TBX18: variants seen among roughly 807,000 people sequenced by gnomAD.
TBX18 encodes the protein T-box transcription factor 18.
In TBX18, 21 loss-of-function variants were observed where a neutral mutation model predicts 55.0. The observed-to-expected ratio is 0.38, with a 90% confidence interval of 0.27 to 0.55. TBX18 has a LOEUF of 0.55. TBX18 is among the 20% of genes least tolerant of loss of function. The pLI is 0.73. For missense variants in TBX18, 840 were observed against 799.6 expected (o/e 1.05, Z -0.61); for synonymous variants, 342 against 326.1 (o/e 1.05, Z -0.53).
chr6:84,754,685 C>T (rs1582080600), intron 4 of TBX18, among the ~76,000 whole-genome samples: 2 of 152,262 alleles, frequency 1.3e-5, no homozygotes, highest in South Asian at 2.1e-4. Flanking sequence ...TGCCACAGTA[C>T]CCAGATACTT....
chr6:84,739,972 A>C (rs1232808429), intron 6 of TBX18, among the ~76,000 whole-genome samples: 3 of 152,208 alleles, frequency 2.0e-5, no homozygotes, highest in Non-Finnish European at 4.4e-5. Context: ...AGAATGATGT[A>C]GCTATGCATG....
At position 84,736,934 on chromosome 6, in the gene TBX18, G is replaced by A. The variant is rs772432248; in HGVS notation, c.1575C>T (p.Ser525=). 3 of 1,610,514 alleles carry A rather than the reference G, an allele frequency of 1.9e-6. No homozygotes were observed. The South Asian group carries it at 3.3e-5, about 18-fold the overall frequency. Residue 525 remains serine (S), a synonymous_variant, in exon 8 of 8, where the codon AGC becomes AGT. Coordinates refer to ENST00000369663, the MANE Select transcript of TBX18 (RefSeq NM_001080508.3). ...AGTTATATCCATATAGTGCACAGGG[G>A]CTGTGTAATCTAAAAGTATTATAGG... is the stretch of plus-strand genomic sequence containing the variant. ...QGSYNTFRLH[S]PCALYGYNFS...
At chr6:84,743,178 G>C (rs1346857693) in intron 6 of TBX18, among the ~76,000 whole-genome samples, 2 of 152,168 alleles carry the variant, frequency 1.3e-5, no homozygotes, top group African/African-American at 4.8e-5. Context: ...TAAGTTGAAG[G>C]CTACTCTACT....
intron 6 of TBX18, 108 bp downstream of exon 6, chr6:84,744,153 A>G: frequency 9.9e-7 from 1 of 1,014,156 alleles, no homozygotes; most frequent in Non-Finnish European, 1.5e-6. Flanking sequence ...ATCAGAAATG[A>G]TTTCAATATC....
intron 1 of TBX18, 62 bp downstream of exon 1, chr6:84,763,828 A>G: frequency 7.0e-7 from 1 of 1,436,632 alleles, no homozygotes; most frequent in African/African-American, 1.5e-5. Flanking sequence ...GCACACCCAC[A>G]GACTCGCAGA....
intron 5 of TBX18, 25 bp downstream of exon 5, chr6:84,747,895 A>C (rs1767238934): frequency 5.0e-6 from 8 of 1,587,398 alleles, no homozygotes; most frequent in Non-Finnish European, 6.9e-6. Context: ...AAAATCTACA[A>C]AGATTCCAAT....
intron 6 of TBX18, chr6:84,741,187 T>C (rs891783118): frequency 6.6e-6 from 1 of 152,190 alleles, no homozygotes; most frequent in African/African-American, 2.4e-5. Context: ...TTTTCTCCAG[T>C]AATGGAGACC....
At chr6:84,738,643 C>G (rs765640502) in intron 6 of TBX18, 52 bp from the exon 7 acceptor site, 1 of 1,366,050 alleles carries the variant, frequency 7.3e-7, no homozygotes, top group East Asian at 2.3e-5. Context: ...TAGTTAGGAG[C>G]ATTTGGATCT....
intron 4 of TBX18, among the ~76,000 whole-genome samples, chr6:84,749,460 C>T (rs1382410424): frequency 6.6e-6 from 1 of 150,954 alleles, no homozygotes; most frequent in Non-Finnish European, 1.5e-5. Context: ...TACTTTCTGG[C>T]AGTGCTGTGG....
At chr6:84,753,680 C>T (rs1319864860) in intron 4 of TBX18, among the ~76,000 whole-genome samples, 2 of 152,082 alleles carry the variant, frequency 1.3e-5, no homozygotes, top group Admixed American at 1.3e-4. Flanking sequence ...CTTCTTATAC[C>T]CTGAACACAA....
rs568820009 is a variant in TBX18 at position 84,751,488 on chromosome 6, C to A, written c.772-3401G>T. On this transcript the variant is annotated intron_variant, in intron 4 of 7. Coordinates refer to ENST00000369663, the MANE Select transcript of TBX18 (RefSeq NM_001080508.3). Reference sequence around the variant, plus strand: ...ATGTATTCAGTATTATCTATAAGAACTTTATGTATCCCTGGAATGTTTTAG... The same window carrying A: ...ATGTATTCAGTATTATCTATAAGAAATTTATGTATCCCTGGAATGTTTTAG... Among the ~76,000 whole-genome samples, 11 of 152,216 alleles carry A rather than the reference C, an allele frequency of 7.2e-5. No homozygotes were observed. The South Asian group carries it at 2.3e-3, about 32-fold the overall frequency.
intron 5 of TBX18, among the ~76,000 whole-genome samples, chr6:84,744,563 AGATAT>A (rs1294916044): frequency 2.0e-5 from 3 of 152,166 alleles, no homozygotes; most frequent in Non-Finnish European, 4.4e-5. Flanking sequence ...CTGCATTAAT[AGATAT>A]AAGTTAGTTT....
At position 84,762,691 on chromosome 6, in the gene TBX18, G is replaced by T; in HGVS notation, c.350C>A (p.Ser117Tyr). Residue 117 changes from serine to tyrosine, a missense_variant, in exon 2 of 8, where the codon TCC becomes TAC. Ser to Tyr is a moderately radical substitution (Grantham distance 144, BLOSUM62 -2). Coordinates refer to ENST00000369663, the MANE Select transcript of TBX18 (RefSeq NM_001080508.3). ...GGAGCGCGCCGGAGACCCCTTGGGG[G>T]AGCCTCCCGGTGACGCCAGAGGGGA... Reference protein sequence around the residue: ...GASPLASPGGSPKGSPARSLA... With the variant: ...GASPLASPGGYPKGSPARSLA... 1.2e-6 allele frequency: 2 copies of T among 1,611,020 alleles called. No individual in the cohort carries two copies. Among genetic ancestry groups the T allele is most frequent in the Non-Finnish European group, 1.7e-6 (2 of 1,179,110 alleles).
At position 84,746,881 on chromosome 6, in the gene TBX18, T is replaced by C. The variant is rs570093147; in HGVS notation, c.939+1039A>G. On this transcript the variant is annotated intron_variant, in intron 5 of 7. Coordinates refer to ENST00000369663, the MANE Select transcript of TBX18 (RefSeq NM_001080508.3). ...TATCTATTAGCATAGATAATAAATA[T>C]ATTATCTATGGATCTTTTAAAAATT... Among the ~76,000 whole-genome samples the C allele has an allele frequency of 4.6e-5, 7 of 151,202 alleles. No homozygotes were observed. In the East Asian group the frequency reaches 1.4e-3, roughly 29 times the overall value.
rs1436912683 is a variant in TBX18 at position 84,735,258 on chromosome 6, A to G, written c.*1427T>C. ...TCATCATGTATTCTTAGCCTTTTTT[A>G]TTTATCTCATACTGTGCTCTCAAAG... is the stretch of plus-strand genomic sequence containing the variant. On this transcript the variant is annotated 3_prime_UTR_variant, in exon 8 of 8. Transcript: ENST00000369663. 6.6e-6 allele frequency: 1 copy of G among 152,068 alleles called. No individual in the cohort carries two copies. Among genetic ancestry groups the G allele is most frequent in the Non-Finnish European group, 1.5e-5 (1 of 67,974 alleles). The allele number at this position is 152,068 out of a possible 1,614,324, so 9.4% of individuals were successfully genotyped here. A position where few individuals can be genotyped will look rare whatever the true frequency, so the allele number is the denominator to read the frequency against.
At chr6:84,757,957 T>A (rs1767540524) in intron 3 of TBX18, among the ~76,000 whole-genome samples, 1 of 152,220 alleles carries the variant, frequency 6.6e-6, no homozygotes, top group Non-Finnish European at 1.5e-5. Flanking sequence ...CATTTCTTTT[T>A]ATAAGAGCAT....
At position 84,744,334 on chromosome 6, in the gene TBX18, T is replaced by G; in HGVS notation, c.940-9A>C. On this transcript the variant is annotated splice_polypyrimidine_tract_variant and intron_variant, in intron 5 of 7. Transcript: ENST00000369663. Reference sequence around the variant, plus strand: ...ATCTTCAGGCGAGTAATCTGCAGAGTAGGAAAAAAAAATATCAAATCTTAT... The same window carrying G: ...ATCTTCAGGCGAGTAATCTGCAGAGGAGGAAAAAAAAATATCAAATCTTAT... 6.2e-7 allele frequency: 1 copy of G among 1,605,082 alleles called. No homozygotes were observed. The highest frequency in any genetic ancestry group is 8.5e-7 in the Non-Finnish European group (1 of 1,176,880).
chr6:84,752,183 A>C (rs1767366805), intron 4 of TBX18, among the ~76,000 whole-genome samples: 1 of 137,398 alleles, frequency 7.3e-6, no homozygotes, highest in Non-Finnish European at 1.6e-5. Context: ...CCTAGATTTG[A>C]GTCAAAAAAA....
At chr6:84,752,995 T>G (rs968083182) in intron 4 of TBX18, among the ~76,000 whole-genome samples, 3 of 152,148 alleles carry the variant, frequency 2.0e-5, no homozygotes, top group Non-Finnish European at 4.4e-5. Flanking sequence ...TTGGGAAACA[T>G]GTACATGATG....
Sources: allele counts gnomAD v4.1 joint callset (sites outside exome capture counted in the v4.1 genomes callset), GRCh38; gene constraint gnomAD v4.1.1; transcripts MANE v1.5; gene names NCBI Gene and HGNC (gene_info 2026-07-23, HGNC 2026-07-21).